NR1I2: variants seen among roughly 807,000 people sequenced by gnomAD.
NR1I2 encodes nuclear receptor subfamily 1 group I member 2.
Under a neutral mutation model 43.3 loss-of-function variants are expected in NR1I2, and 42 were observed. That is an observed-to-expected ratio of 0.97 (90% CI 0.76 to 1.26). The LOEUF is 1.26. Ranked by LOEUF, NR1I2 falls within the 50% of genes most tolerant of loss-of-function variation. The pLI, the probability that NR1I2 is intolerant of heterozygous loss-of-function variation, is 0.00. For missense variants in NR1I2, 559 were observed against 566.7 expected (o/e 0.99, Z 0.14); for synonymous variants, 229 against 215.0 (o/e 1.06, Z -0.57).
In NR1I2 at chr3:119,817,402, A is replaced by G; in HGVS notation, c.*190A>G. 6.8e-7 allele frequency: 1 copy of G among 1,467,448 alleles called. No homozygotes were observed. The highest frequency in any genetic ancestry group is 9.0e-7 in the Non-Finnish European group (1 of 1,109,676). The allele number at this position is 1,467,448 out of a possible 1,614,324, so 90.9% of individuals were successfully genotyped here. A position where few individuals can be genotyped will look rare whatever the true frequency, so the allele number is the denominator to read the frequency against. Reference sequence around the variant, plus strand: ...AAGGACATGGGTGCCCCCCACCCCCAGTTCAGTCTGTAGGGAGTGAAGCCA... The same window carrying G: ...AAGGACATGGGTGCCCCCCACCCCCGGTTCAGTCTGTAGGGAGTGAAGCCA... On this transcript the variant is annotated 3_prime_UTR_variant, in exon 9 of 9. Coordinates refer to ENST00000393716, the MANE Select transcript of NR1I2 (RefSeq NM_003889.4).
In NR1I2 at chr3:119,807,561, CA is replaced by C. The variant is rs1010217705; in HGVS notation, c.197+117del. Reference sequence around the variant, plus strand: ...TCAGAGTGTGGGCTGGTGGCCCACCCAAAGGCCTTGTAATTAGTCTCAAGGG... The same window carrying C: ...TCAGAGTGTGGGCTGGTGGCCCACCCAAGGCCTTGTAATTAGTCTCAAGGG... On this transcript the variant is annotated intron_variant, in intron 2 of 8. Transcript: ENST00000393716. The C allele has an allele frequency of 5.9e-5, 51 of 863,532 alleles. 1 individual carries two copies. In the Admixed American group the frequency reaches 9.0e-4, roughly 15 times the overall value. 53.5% of individuals were successfully genotyped at this position (863,532 alleles called of 1,614,324 possible). A position where few individuals can be genotyped will look rare whatever the true frequency, so the allele number is the denominator to read the frequency against.
At chr3:119,785,301 T>C (rs1193958698) in intron 1 of NR1I2, among the ~76,000 whole-genome samples, 2 of 152,248 alleles carry the variant, frequency 1.3e-5, no homozygotes, top group African/African-American at 2.4e-5. Flanking sequence ...CTTGTTGAGA[T>C]TGAAATTGTT....
intron 1 of NR1I2, chr3:119,792,512 C>A: frequency 2.8e-6 from 3 of 1,083,978 alleles, no homozygotes; most frequent in Non-Finnish European, 4.2e-6. Flanking sequence ...CATCACCAAT[C>A]TGCCGGCAGG....
chr3:119,787,956 G>C (rs1043341642), intron 1 of NR1I2, among the ~76,000 whole-genome samples: 1 of 151,914 alleles, frequency 6.6e-6, no homozygotes, highest in Non-Finnish European at 1.5e-5. Context: ...TCAAATTCAA[G>C]TTGCCCACTC....
At chr3:119,805,917 T>C (rs1402453461) in intron 1 of NR1I2, among the ~76,000 whole-genome samples, 1 of 152,144 alleles carries the variant, frequency 6.6e-6, no homozygotes, top group African/African-American at 2.4e-5. Context: ...CCCCTGTGCC[T>C]GTTCAGTTCA....
intron 2 of NR1I2, among the ~76,000 whole-genome samples, chr3:119,809,325 G>A (rs2055202151): frequency 6.6e-6 from 1 of 152,064 alleles, no homozygotes; most frequent in African/African-American, 2.4e-5. Context: ...CTGCCCCATT[G>A]CCTCTCTGCG....
chr3:119,811,834 G>C, intron 4 of NR1I2, 108 bp downstream of exon 4: 1 of 1,034,160 alleles, frequency 9.7e-7, no homozygotes, highest in Non-Finnish European at 1.5e-6. Context: ...CAGCTAATCA[G>C]TGGTGGAGGG....
chr3:119,792,583 C>A (rs1198539961), intron 1 of NR1I2: 7 of 716,110 alleles, frequency 9.8e-6, no homozygotes, highest in Non-Finnish European at 1.7e-5. Context: ...CTCCATGGGC[C>A]AACTAGGCCA....
At chr3:119,805,528 C>A (rs1003118021) in intron 1 of NR1I2, among the ~76,000 whole-genome samples, 2 of 151,962 alleles carry the variant, frequency 1.3e-5, no homozygotes. Flanking sequence ...CATGGTGAAA[C>A]CCCATCTCTA....
intron 8 of NR1I2, among the ~76,000 whole-genome samples, chr3:119,816,677 C>T (rs922555005): frequency 6.6e-6 from 1 of 151,936 alleles, no homozygotes; most frequent in East Asian, 1.9e-4. Context: ...AAAAAATTAG[C>T]CAGGTATGGT....
intron 5 of NR1I2, among the ~76,000 whole-genome samples, chr3:119,814,174 T>G (rs2055285016): frequency 1.3e-5 from 2 of 152,278 alleles, no homozygotes; most frequent in South Asian, 4.1e-4. Context: ...CAAGAGGTAG[T>G]GTTTCCTCAA....
Sources: allele counts gnomAD v4.1 joint callset (sites outside exome capture counted in the v4.1 genomes callset), GRCh38; gene constraint gnomAD v4.1.1; transcripts MANE v1.5; gene names NCBI Gene and HGNC (gene_info 2026-07-23, HGNC 2026-07-21).